ABCD3: variants seen among roughly 807,000 people sequenced by gnomAD.
ABCD3 encodes ATP binding cassette subfamily D member 3.
Under a neutral mutation model 105.5 loss-of-function variants are expected in ABCD3, and 41 were observed. The ratio of observed to expected loss-of-function variants is 0.39; its 90% CI spans 0.30 to 0.50. ABCD3 has a LOEUF of 0.50. ABCD3 is among the 20% of genes least tolerant of loss of function. ABCD3 has a pLI of 0.84. For missense variants in ABCD3, 622 were observed against 806.3 expected (o/e 0.77, Z 2.77); for synonymous variants, 258 against 269.0 (o/e 0.96, Z 0.40).
intron 1 of ABCD3, among the ~76,000 whole-genome samples, chr1:94,437,232 A>G (rs1458133631): frequency 1.3e-5 from 2 of 152,254 alleles, no homozygotes; most frequent in African/African-American, 4.8e-5. Flanking sequence ...CAAAACAGCT[A>G]TCTATTGGAG....
intron 1 of ABCD3, 128 bp from the exon 2 acceptor site, chr1:94,458,479 A>G (rs1647699057): frequency 1.2e-5 from 10 of 811,736 alleles, no homozygotes; most frequent in Middle Eastern, 2.9e-4. Flanking sequence ...AATATGTTCT[A>G]TCTCACTATG....
At chr1:94,445,497 C>T (rs1027497662) in intron 1 of ABCD3, among the ~76,000 whole-genome samples, 1 of 152,144 alleles carries the variant, frequency 6.6e-6, no homozygotes, top group Admixed American at 6.5e-5. Flanking sequence ...CCTTTTCACA[C>T]TGATGTGGAA....
intron 1 of ABCD3, among the ~76,000 whole-genome samples, 196 bp from the exon 2 acceptor site, chr1:94,458,411 T>G (rs1450636282): frequency 6.6e-6 from 1 of 152,234 alleles, no homozygotes; most frequent in African/African-American, 2.4e-5. Context: ...TAGTTAAAAT[T>G]TATTAAGCAC....
At chr1:94,444,814 G>C (rs1462273276) in intron 1 of ABCD3, among the ~76,000 whole-genome samples, 1 of 151,952 alleles carries the variant, frequency 6.6e-6, no homozygotes. Context: ...TTCATTTTTT[G>C]TTGGGAACAG....
chr1:94,417,611 A>T (rs972286862), upstream of ABCD3, among the ~76,000 whole-genome samples: 1 of 152,254 alleles, frequency 6.6e-6, no homozygotes, highest in Non-Finnish European at 1.5e-5. Flanking sequence ...TTTGCAAAGA[A>T]CAGTGTTTCT....
chr1:94,392,475 T>A, the ABCD3 span, among the ~76,000 whole-genome samples: 1 of 152,222 alleles, frequency 6.6e-6, no homozygotes, highest in Non-Finnish European at 1.5e-5. Flanking sequence ...AGCACAGCCC[T>A]AGTCTATCCT....
chr1:94,416,706 T>A (rs577069081), upstream of ABCD3, among the ~76,000 whole-genome samples: 1 of 152,304 alleles, frequency 6.6e-6, no homozygotes, highest in African/African-American at 2.4e-5. Flanking sequence ...AAGCCAGCCA[T>A]AAAAGCCTAA....
At chr1:94,474,391 T>TA (rs1329399140) in intron 5 of ABCD3, among the ~76,000 whole-genome samples, 2 of 152,164 alleles carry the variant, frequency 1.3e-5, no homozygotes, top group African/African-American at 4.8e-5. Context: ...GTCTAAAATA[T>TA]AAGTGATTTT....
At chr1:94,423,209 G>A (rs995014874) in intron 1 of ABCD3, among the ~76,000 whole-genome samples, 9 of 152,170 alleles carry the variant, frequency 5.9e-5, no homozygotes, top group African/African-American at 2.2e-4. Context: ...CCCTATCCAT[G>A]AAGTGTTATT....
Position 94,438,333 on chromosome 1 carries a change from C to CACACACACACAG in ABCD3, c.110+19756_110+19757insGACACACACACA, listed in dbSNP as rs1553168369. On this transcript the variant is annotated intron_variant, in intron 1 of 22. Transcript: ENST00000370214. ...ACACACACACACACACACACACACA[C>CACACACACACAG]ACACACACACAAACTTGAAAGGATG... Among the ~76,000 whole-genome samples the CACACACACACAG allele has an allele frequency of 3.3e-5, 5 of 149,940 alleles. No homozygotes were observed. In the East Asian group the frequency reaches 9.7e-4, roughly 29 times the overall value.
At chr1:94,513,492 C>T (rs1393233767) in intron 21 of ABCD3, 1 of 152,016 alleles carries the variant, frequency 6.6e-6, no homozygotes, top group East Asian at 1.9e-4. Context: ...GGTGTGAATT[C>T]CTTAAGCTTA....
intron 20 of ABCD3, among the ~76,000 whole-genome samples, chr1:94,502,992 T>C (rs932660179): frequency 1.1e-4 from 17 of 152,188 alleles, no homozygotes; most frequent in Non-Finnish European, 1.0e-4. Flanking sequence ...CAGGACAGCT[T>C]TGAATGCAAC....
At chr1:94,447,858 C>A (rs1267226266) in intron 1 of ABCD3, among the ~76,000 whole-genome samples, 2 of 152,164 alleles carry the variant, frequency 1.3e-5, no homozygotes, top group Non-Finnish European at 2.9e-5. Context: ...AAATGACTTT[C>A]AAAAATTACT....
chr1:94,418,470 G>A lies in ABCD3; in HGVS notation c.-9G>A. The A allele has an allele frequency of 6.3e-7, 1 of 1,593,210 alleles. No individual in the cohort carries two copies. The highest frequency in any genetic ancestry group is 8.5e-7 in the Non-Finnish European group (1 of 1,174,946). ...GTCCCCTCGCCGGCTCGCTGGTACC[G>A]GCAGTGCCATGGCGGCCTTCAGCAA... On this transcript the variant is annotated 5_prime_UTR_variant, in exon 1 of 23. Coordinates refer to ENST00000370214, the MANE Select transcript of ABCD3 (RefSeq NM_002858.4).
chr1:94,490,095 C>G (rs1177166296), intron 15 of ABCD3, 120 bp downstream of exon 15: 3 of 920,562 alleles, frequency 3.3e-6, no homozygotes, highest in Non-Finnish European at 3.4e-6. Flanking sequence ...TAAAAAACAG[C>G]TTAGAGGTAT....
chr1:94,459,513 C>T (rs1389110759), intron 2 of ABCD3, among the ~76,000 whole-genome samples: 3 of 151,976 alleles, frequency 2.0e-5, no homozygotes, highest in African/African-American at 4.8e-5. Context: ...ATTCTTTAAC[C>T]GTAACTATTT....
chr1:94,511,120 C>T (rs9792978), intron 21 of ABCD3, among the ~76,000 whole-genome samples: 105,274 of 151,652 alleles, frequency 0.69, 37,606 homozygotes, highest in Admixed American at 0.81. Context: ...GATTTTGCAG[C>T]GGCTGGTACC....
Position 94,475,260 on chromosome 1 carries a change from T to A in ABCD3, c.503+20T>A. 2 of 1,389,776 alleles carry A rather than the reference T, an allele frequency of 1.4e-6. No individual in the cohort carries two copies. Among genetic ancestry groups the A allele is most frequent in the Non-Finnish European group, 2.0e-6 (2 of 1,006,890 alleles). 86.1% of individuals were successfully genotyped at this position (1,389,776 alleles called of 1,614,324 possible). ...TCTTCAGTAAGTGATAACCTATTTT[T>A]ATATTAAAAATATTTAAATAGAAGA... On this transcript the variant is annotated intron_variant, in intron 6 of 22. Coordinates refer to ENST00000370214, the MANE Select transcript of ABCD3 (RefSeq NM_002858.4).
chr1:94,450,681 T>C (rs1401730345), intron 1 of ABCD3, among the ~76,000 whole-genome samples: 3 of 152,236 alleles, frequency 2.0e-5, no homozygotes, highest in Non-Finnish European at 4.4e-5. Flanking sequence ...CTCTGAAGGC[T>C]GTGAGACCCC....
Sources: allele counts gnomAD v4.1 joint callset (sites outside exome capture counted in the v4.1 genomes callset), GRCh38; gene constraint gnomAD v4.1.1; transcripts MANE v1.5; gene names NCBI Gene and HGNC (gene_info 2026-07-23, HGNC 2026-07-21).